TBC1D22A: variants seen among roughly 807,000 people sequenced by gnomAD.
TBC1D22A encodes TBC1 domain family member 22A, also known as putative GTPase activator.
Under a neutral mutation model 60.2 loss-of-function variants are expected in TBC1D22A, and 38 were observed. The observed-to-expected ratio is 0.63, with a 90% CI of 0.49 to 0.83. TBC1D22A has a LOEUF of 0.83. Ranked by LOEUF, TBC1D22A falls within the 40% of genes least tolerant of loss-of-function variation. The pLI, the probability that TBC1D22A is intolerant of heterozygous loss-of-function variation, is 0.00. For missense variants in TBC1D22A, 628 were observed against 701.0 expected, an observed-to-expected ratio of 0.90 and a Z score of 1.18; for synonymous variants, 302 against 281.7, an observed-to-expected ratio of 1.07 and a Z score of -0.72.
intron 8 of TBC1D22A, among the ~76,000 whole-genome samples, chr22:46,954,380 G>C (rs1170425873): frequency 2.0e-5 from 3 of 152,218 alleles, no homozygotes; most frequent in Non-Finnish European, 4.4e-5. Flanking sequence ...CTTGGTTGGG[G>C]TGTGCTCATT....
chr22:47,074,136 A>G (rs960657495), intron 11 of TBC1D22A, among the ~76,000 whole-genome samples: 1 of 152,240 alleles, frequency 6.6e-6, no homozygotes, highest in Non-Finnish European at 1.5e-5. Context: ...CACAAAGTAT[A>G]TAATTCAGAC....
chr22:46,787,353 A>G lies in TBC1D22A; in HGVS notation c.63-5167A>G, dbSNP rs117245190. Among the ~76,000 whole-genome samples the G allele has an allele frequency of 9.1e-3, 1,393 of 152,256 alleles. 20 individuals carry two copies. The highest frequency in any genetic ancestry group is 0.014 in the Non-Finnish European group (946 of 68,022). On this transcript the variant is annotated intron_variant, in intron 1 of 12. Coordinates refer to ENST00000337137, the MANE Select transcript of TBC1D22A (RefSeq NM_014346.5). ...TTCTGTGTCTCCGTGGAGTCCTGCT[A>G]TGGTTCTGGGAGTTGCCTCTCCTCT... is the stretch of plus-strand genomic sequence containing the variant.
At chr22:47,096,758 G>C (rs1053643555) in intron 11 of TBC1D22A, among the ~76,000 whole-genome samples, 2 of 152,176 alleles carry the variant, frequency 1.3e-5, no homozygotes, top group Admixed American at 6.5e-5. Flanking sequence ...GGAGGTGGAG[G>C]TTGCAGTGAG....
At chr22:46,913,800 C>G (rs1486951786) in intron 8 of TBC1D22A, 6 of 979,484 alleles carry the variant, frequency 6.1e-6, no homozygotes, top group Non-Finnish European at 7.3e-6. Flanking sequence ...TACTTTACCG[C>G]CAACTTCTGT....
At chr22:46,873,325 C>T (rs1449554991) in intron 4 of TBC1D22A, among the ~76,000 whole-genome samples, 2 of 152,026 alleles carry the variant, frequency 1.3e-5, no homozygotes, top group African/African-American at 2.4e-5. Context: ...CATAAAATTG[C>T]TATGTAAAAT....
At chr22:47,076,889 T>A (rs1201089409) in intron 11 of TBC1D22A, among the ~76,000 whole-genome samples, 1 of 152,174 alleles carries the variant, frequency 6.6e-6, no homozygotes, top group Admixed American at 6.5e-5. Flanking sequence ...CTGATCCTCT[T>A]AATGTGCTAC....
chr22:46,962,303 C>A (rs1412563137), intron 8 of TBC1D22A, among the ~76,000 whole-genome samples: 10 of 152,338 alleles, frequency 6.6e-5, no homozygotes, highest in East Asian at 1.9e-4. Flanking sequence ...TGAATTAGAT[C>A]TCACTGTAAT....
intron 4 of TBC1D22A, among the ~76,000 whole-genome samples, chr22:46,854,211 C>T (rs774874489): frequency 2.0e-5 from 3 of 152,274 alleles, no homozygotes; most frequent in African/African-American, 4.8e-5. Flanking sequence ...AAATGTGTCA[C>T]GTGTGATAGG....
At chr22:46,933,537 T>C (rs1353548183) in intron 8 of TBC1D22A, among the ~76,000 whole-genome samples, 1 of 152,194 alleles carries the variant, frequency 6.6e-6, no homozygotes. Flanking sequence ...GAGGAAGTTC[T>C]TCTTCCTCTC....
intron 4 of TBC1D22A, among the ~76,000 whole-genome samples, chr22:46,849,395 T>C (rs2087167309): frequency 6.6e-6 from 1 of 152,234 alleles, no homozygotes. Context: ...AACTGATTAG[T>C]GGAGGCCTCA....
intron 12 of TBC1D22A, among the ~76,000 whole-genome samples, chr22:47,139,000 C>T (rs1164187291): frequency 1.3e-5 from 2 of 152,322 alleles, no homozygotes; most frequent in Admixed American, 6.5e-5. Context: ...ACGTTCCAGC[C>T]GTAGCACGTT....
Position 46,941,811 on chromosome 22 carries a change from A to AAT in TBC1D22A, c.1015+29631_1015+29632dup, listed in dbSNP as rs1306574532. Among the ~76,000 whole-genome samples, 5 of 138,692 alleles carry AAT rather than the reference A, an allele frequency of 3.6e-5. No individual in the cohort carries two copies. In the South Asian group the frequency reaches 1.1e-3, roughly 30 times the overall value. 91.0% of individuals were successfully genotyped at this position (138,692 alleles called of 152,430 possible). ...TATAGAATATATAGAATATATATAG[A>AAT]ATATATATAGAATATATAGAATAAT... is the stretch of plus-strand genomic sequence containing the variant. On this transcript the variant is annotated intron_variant, in intron 8 of 12. Coordinates refer to ENST00000337137, the MANE Select transcript of TBC1D22A (RefSeq NM_014346.5).
chr22:46,766,844 C>G (rs1349252372), intron 1 of TBC1D22A, among the ~76,000 whole-genome samples: 1 of 152,178 alleles, frequency 6.6e-6, no homozygotes. Flanking sequence ...CCCACACCTC[C>G]TGTTTTTATG....
At chr22:47,084,060 C>T (rs771920460) in intron 11 of TBC1D22A, among the ~76,000 whole-genome samples, 6 of 152,176 alleles carry the variant, frequency 3.9e-5, no homozygotes, top group African/African-American at 9.7e-5. Flanking sequence ...TTGGCTTCAC[C>T]GGGGAGAGTT....
chr22:46,782,451 C>T (rs2083980762), intron 1 of TBC1D22A, among the ~76,000 whole-genome samples: 1 of 152,228 alleles, frequency 6.6e-6, no homozygotes, highest in South Asian at 2.1e-4. Flanking sequence ...ACAATGGGGT[C>T]AGGGAGGGGG....
chr22:46,800,372 G>A (rs1345058029), intron 4 of TBC1D22A, among the ~76,000 whole-genome samples: 1 of 152,078 alleles, frequency 6.6e-6, no homozygotes, highest in African/African-American at 2.4e-5. Context: ...AAGGTAGATC[G>A]TGCTTACGGG....
intron 11 of TBC1D22A, among the ~76,000 whole-genome samples, chr22:47,052,627 G>A (rs539193979): frequency 3.6e-4 from 55 of 152,290 alleles, no homozygotes; most frequent in African/African-American, 1.2e-3. Context: ...CTGTGCTTGC[G>A]GCAGCCACAT....
chr22:47,111,690 T>C (rs2065852137), intron 12 of TBC1D22A, 87 bp downstream of exon 12: 2 of 1,293,612 alleles, frequency 1.5e-6, no homozygotes, highest in Non-Finnish European at 2.2e-6. Flanking sequence ...GGGTTATTTG[T>C]GGAAGAGTTT....
intron 7 of TBC1D22A, among the ~76,000 whole-genome samples, chr22:46,904,142 T>TCTGCCTACCTAC (rs369598619): frequency 0.061 from 8,145 of 134,526 alleles, 341 homozygotes; most frequent in African/African-American, 0.074. Flanking sequence ...TATCTATCTA[T>TCTGCCTACCTAC]CTACCTACCT....
Sources: gnomAD v4.1 joint callset for allele counts (sites outside exome capture counted in the v4.1 genomes callset) on GRCh38, gnomAD v4.1.1 for gene constraint, MANE v1.5 for transcripts, NCBI Gene and HGNC (gene_info 2026-07-23, HGNC 2026-07-21) for gene names.